Variants in PDE5A observed in about 807,000 individuals in gnomAD.
PDE5A encodes phosphodiesterase 5A.
In PDE5A, 67 loss-of-function variants were observed where a neutral mutation model predicts 110.2. That is an observed-to-expected ratio of 0.61 (90% CI 0.50 to 0.75). The LOEUF is 0.75. Among genes scored for constraint, PDE5A ranks in the 30% least tolerant of loss-of-function variants. The probability of loss-of-function intolerance (pLI) is 0.00; values close to 1 mark genes in which losing one functional copy is unlikely to be tolerated. For synonymous variants in PDE5A, 328 were observed against 351.2 expected (o/e 0.93, Z 0.74); for missense variants, 862 against 1,045.1 (o/e 0.82, Z 2.42).
chr4:119,587,605 C>T (rs1158045005), intron 3 of PDE5A, among the ~76,000 whole-genome samples: 2 of 152,088 alleles, frequency 1.3e-5, no homozygotes, highest in African/African-American at 4.8e-5. Flanking sequence ...AGGATGGTCT[C>T]GATCTCCTGA....
At chr4:119,505,213 T>C (rs1725512152) in intron 17 of PDE5A, among the ~76,000 whole-genome samples, 1 of 151,976 alleles carries the variant, frequency 6.6e-6, no homozygotes, top group Non-Finnish European at 1.5e-5. Flanking sequence ...TTTAATTCTC[T>C]ACATTGAACT....
At chr4:119,554,266 C>T (rs1194516928) in intron 7 of PDE5A, among the ~76,000 whole-genome samples, 1 of 152,040 alleles carries the variant, frequency 6.6e-6, no homozygotes, top group Admixed American at 6.6e-5. Context: ...TCGTGTCTTC[C>T]TTAGCATCTT....
intron 15 of PDE5A, among the ~76,000 whole-genome samples, chr4:119,510,366 C>G (rs1725694425): frequency 6.6e-6 from 1 of 151,990 alleles, no homozygotes; most frequent in African/African-American, 2.4e-5. Context: ...ATATGTCATG[C>G]ATTGTGTATG....
intron 1 of PDE5A, among the ~76,000 whole-genome samples, chr4:119,616,036 A>G (rs1457282268): frequency 6.6e-6 from 1 of 152,170 alleles, no homozygotes; most frequent in Non-Finnish European, 1.5e-5. Flanking sequence ...CTTATTTCCT[A>G]CATATTTTAT....
intron 16 of PDE5A, among the ~76,000 whole-genome samples, chr4:119,506,907 A>G (rs1445640765): frequency 6.6e-6 from 1 of 151,896 alleles, no homozygotes; most frequent in Admixed American, 6.6e-5. Context: ...TGAATTCCTT[A>G]CAGAGGGAGA....
At chr4:119,535,351 A>G (rs1726692896) in intron 11 of PDE5A, among the ~76,000 whole-genome samples, 1 of 152,092 alleles carries the variant, frequency 6.6e-6, no homozygotes, top group South Asian at 2.1e-4. Context: ...CCTTCAGCCA[A>G]ATCCTTTTCC....
At chr4:119,565,987 T>A (rs1222061436) in intron 4 of PDE5A, among the ~76,000 whole-genome samples, 5 of 149,348 alleles carry the variant, frequency 3.3e-5, no homozygotes, top group African/African-American at 1.2e-4. Flanking sequence ...TAATAATTAA[T>A]AGTATTAATT....
chr4:119,512,119 G>T (rs1725762839), intron 14 of PDE5A, among the ~76,000 whole-genome samples: 1 of 152,032 alleles, frequency 6.6e-6, no homozygotes, highest in Non-Finnish European at 1.5e-5. Context: ...CATTTAATTT[G>T]TTGAAGATAG....
At chr4:119,616,837 A>G (rs949419892) in intron 1 of PDE5A, among the ~76,000 whole-genome samples, 2 of 152,146 alleles carry the variant, frequency 1.3e-5, no homozygotes, top group African/African-American at 2.4e-5. Context: ...TTTTATCAAA[A>G]TTACACACGG....
At chr4:119,518,009 C>A (rs1418968537) in intron 14 of PDE5A, among the ~76,000 whole-genome samples, 1 of 152,162 alleles carries the variant, frequency 6.6e-6, no homozygotes, top group Non-Finnish European at 1.5e-5. Context: ...AACAGCCAGA[C>A]TCTGATACTC....
chr4:119,557,108 G>C (rs1267066174), intron 7 of PDE5A, among the ~76,000 whole-genome samples: 1 of 152,194 alleles, frequency 6.6e-6, no homozygotes, highest in African/African-American at 2.4e-5. Flanking sequence ...GTTGATCCCA[G>C]AGAAAAAGAC....
chr4:119,567,285 C>G, intron 3 of PDE5A, 141 bp from the exon 4 acceptor site: 1 of 603,476 alleles, frequency 1.7e-6, no homozygotes, highest in Admixed American at 3.0e-5. Context: ...AACCCCTCAT[C>G]AGCATTTGAG....
At chr4:119,501,478 T>C (rs1725331151) in intron 19 of PDE5A, among the ~76,000 whole-genome samples, 1 of 152,134 alleles carries the variant, frequency 6.6e-6, no homozygotes, top group Non-Finnish European at 1.5e-5. Flanking sequence ...TTTTTATTTT[T>C]ATTAGCGACA....
At chr4:119,558,874 G>A (rs1383515205) in intron 7 of PDE5A, among the ~76,000 whole-genome samples, 2 of 125,706 alleles carry the variant, frequency 1.6e-5, no homozygotes, top group Admixed American at 2.0e-4. Context: ...CCGAGATCCC[G>A]CCACTGCACT....
intron 12 of PDE5A, among the ~76,000 whole-genome samples, chr4:119,522,313 G>C (rs115471072): frequency 2.5e-3 from 381 of 152,144 alleles, no homozygotes; most frequent in African/African-American, 9.0e-3. Flanking sequence ...GCATACTGCA[G>C]CTTCTTACAC....
intron 1 of PDE5A, among the ~76,000 whole-genome samples, chr4:119,624,132 C>A (rs1730256212): frequency 1.3e-5 from 2 of 151,988 alleles, no homozygotes; most frequent in Admixed American, 1.3e-4. Context: ...CATTATTGCA[C>A]CAGAATTACC....
intron 3 of PDE5A, among the ~76,000 whole-genome samples, chr4:119,591,298 C>T (rs1473049988): frequency 1.3e-5 from 2 of 152,174 alleles, no homozygotes; most frequent in Admixed American, 6.5e-5. Context: ...CCAGGAACTA[C>T]GTTAAACCCT....
At chr4:119,542,668 T>C (rs1453407219) in intron 9 of PDE5A, 34 bp from the exon 10 acceptor site, 2 of 1,585,578 alleles carry the variant, frequency 1.3e-6, no homozygotes, top group Admixed American at 1.7e-5. Flanking sequence ...CAAATGTTAT[T>C]GTTGATTATC....
At chr4:119,511,843 A>G (rs1303550211) in intron 14 of PDE5A, among the ~76,000 whole-genome samples, 2 of 152,240 alleles carry the variant, frequency 1.3e-5, no homozygotes, top group African/African-American at 2.4e-5. Flanking sequence ...TCAGTTCATT[A>G]TATCTCTGAG....
Sources: gnomAD v4.1 joint callset for allele counts (sites outside exome capture counted in the v4.1 genomes callset) on GRCh38, gnomAD v4.1.1 for gene constraint, MANE v1.5 for transcripts, NCBI Gene and HGNC (gene_info 2026-07-23, HGNC 2026-07-21) for gene names.